PTPRK: variants seen among roughly 807,000 people sequenced by gnomAD.
PTPRK encodes the protein receptor-type tyrosine-protein phosphatase kappa.
In PTPRK, 75 loss-of-function variants were observed where a neutral mutation model predicts 178.0. That is an observed-to-expected ratio of 0.42 (90% CI 0.35 to 0.51). PTPRK has a LOEUF of 0.51. Among genes scored for constraint, PTPRK ranks in the 20% least tolerant of loss-of-function variants. PTPRK has a pLI of 0.02. For synonymous variants in PTPRK, 637 were observed against 620.6 expected, an observed-to-expected ratio of 1.03 and a Z score of -0.39; for missense variants, 1,441 against 1,797.8, an observed-to-expected ratio of 0.80 and a Z score of 3.59.
At chr6:128,078,707 A>C (rs1784283034) in intron 11 of PTPRK, 106 bp downstream of exon 11, 2 of 615,360 alleles carry the variant, frequency 3.3e-6, no homozygotes, top group Non-Finnish European at 5.5e-6. Flanking sequence ...AACATAGTAC[A>C]GTCTGTATAG....
At chr6:128,148,721 AG>A (rs1245157551) in intron 7 of PTPRK, among the ~76,000 whole-genome samples, 2 of 152,180 alleles carry the variant, frequency 1.3e-5, no homozygotes, top group Non-Finnish European at 2.9e-5. Context: ...AGAATACATT[AG>A]CCTTTCATTT....
intron 3 of PTPRK, among the ~76,000 whole-genome samples, chr6:128,283,235 C>T (rs1371576041): frequency 6.6e-6 from 1 of 152,112 alleles, no homozygotes; most frequent in Non-Finnish European, 1.5e-5. Flanking sequence ...CCCAAGGGTG[C>T]CCCAATCAAT....
intron 3 of PTPRK, among the ~76,000 whole-genome samples, chr6:128,261,616 T>C (rs909027268): frequency 7.2e-5 from 11 of 152,324 alleles, no homozygotes; most frequent in Admixed American, 2.6e-4. Flanking sequence ...AAAAATGTTC[T>C]GTATCTGTCT....
chr6:128,483,195 T>C (rs926611512), intron 1 of PTPRK, among the ~76,000 whole-genome samples: 1 of 152,154 alleles, frequency 6.6e-6, no homozygotes. Context: ...TTTCTACAAC[T>C]TTTTTTATCC....
chr6:128,374,212 A>C (rs1836696847), intron 2 of PTPRK, among the ~76,000 whole-genome samples: 1 of 152,002 alleles, frequency 6.6e-6, no homozygotes, highest in Non-Finnish European at 1.5e-5. Flanking sequence ...TCCTTTGTAC[A>C]TTTCTCTAAA....
At chr6:128,014,590 T>C (rs185114302) in intron 13 of PTPRK, among the ~76,000 whole-genome samples, 1 of 151,770 alleles carries the variant, frequency 6.6e-6, no homozygotes, top group East Asian at 1.9e-4. Context: ...TAGGTAGAGA[T>C]AATCTAGATG....
chr6:128,152,989 A>T (rs1797492402), intron 7 of PTPRK, among the ~76,000 whole-genome samples: 1 of 151,902 alleles, frequency 6.6e-6, no homozygotes, highest in African/African-American at 2.4e-5. Flanking sequence ...CTCTTTTTTT[A>T]AATTACAGAA....
intron 5 of PTPRK, among the ~76,000 whole-genome samples, chr6:128,221,751 A>G (rs1810456490): frequency 1.3e-5 from 2 of 151,944 alleles, no homozygotes; most frequent in Non-Finnish European, 2.9e-5. Flanking sequence ...TTACCAACCT[A>G]TTTCAGGATT....
chr6:128,098,434 C>G (rs1788249250), intron 7 of PTPRK, among the ~76,000 whole-genome samples: 1 of 152,022 alleles, frequency 6.6e-6, no homozygotes, highest in African/African-American at 2.4e-5. Flanking sequence ...TTGCTCATAC[C>G]TCTTCTAGAA....
intron 7 of PTPRK, among the ~76,000 whole-genome samples, chr6:128,175,233 T>C (rs1800884842): frequency 6.6e-6 from 1 of 152,024 alleles, no homozygotes; most frequent in African/African-American, 2.4e-5. Context: ...CCCAGAATGA[T>C]GATTAATAAA....
intron 2 of PTPRK, among the ~76,000 whole-genome samples, chr6:128,329,340 T>C (rs984692021): frequency 2.6e-5 from 4 of 151,574 alleles, no homozygotes; most frequent in Admixed American, 2.0e-4. Context: ...GTACGAAGGA[T>C]ATATTAGTCA....
chr6:128,248,978 C>T (rs1360072791), intron 3 of PTPRK, among the ~76,000 whole-genome samples: 1 of 152,118 alleles, frequency 6.6e-6, no homozygotes, highest in Non-Finnish European at 1.5e-5. Flanking sequence ...ATCCAAATCA[C>T]AGGCTGTAAG....
chr6:128,481,834 T>C (rs1852125460), intron 1 of PTPRK, among the ~76,000 whole-genome samples: 1 of 152,084 alleles, frequency 6.6e-6, no homozygotes, highest in East Asian at 1.9e-4. Flanking sequence ...TTGGGTCTTA[T>C]AGGTCTTTTA....
intron 10 of PTPRK, 27 bp downstream of exon 10, chr6:128,082,410 C>T: frequency 6.4e-7 from 1 of 1,555,468 alleles, no homozygotes; most frequent in Non-Finnish European, 8.9e-7. Context: ...ATAATCAATC[C>T]TATTTGTAAT....
At chr6:128,020,461 C>T (rs1015473149) in intron 13 of PTPRK, among the ~76,000 whole-genome samples, 3 of 151,974 alleles carry the variant, frequency 2.0e-5, no homozygotes, top group Non-Finnish European at 4.4e-5. Context: ...TTTTTCCCTC[C>T]CACAAACTAC....
chr6:128,041,686 G>A (rs1777187280), intron 13 of PTPRK, among the ~76,000 whole-genome samples: 1 of 151,724 alleles, frequency 6.6e-6, no homozygotes, highest in South Asian at 2.1e-4. Flanking sequence ...TAATCAAAGT[G>A]AAGTTTGAAC....
chr6:128,059,406 C>CA (rs1216465441), intron 13 of PTPRK, among the ~76,000 whole-genome samples: 1 of 152,094 alleles, frequency 6.6e-6, no homozygotes, highest in African/African-American at 2.4e-5. Context: ...TTATAAATGA[C>CA]AACATCTTAA....
chr6:128,186,971 C>T (rs554128766), intron 6 of PTPRK, among the ~76,000 whole-genome samples: 75 of 152,230 alleles, frequency 4.9e-4, no homozygotes, highest in African/African-American at 1.8e-3. Flanking sequence ...CATATACTAA[C>T]TAATTTAAGT....
chr6:128,148,292 A>C (rs1231115478), intron 7 of PTPRK, among the ~76,000 whole-genome samples: 1 of 152,162 alleles, frequency 6.6e-6, no homozygotes, highest in Non-Finnish European at 1.5e-5. Context: ...CTAAAAATAA[A>C]AAGGGTTGCT....
Sources: gnomAD v4.1 joint callset for allele counts (sites outside exome capture counted in the v4.1 genomes callset) on GRCh38, gnomAD v4.1.1 for gene constraint, MANE v1.5 for transcripts, NCBI Gene and HGNC (gene_info 2026-07-23, HGNC 2026-07-21) for gene names.